The following HMCN1 variants were observed in gnomAD, a reference collection of about 807,000 sequenced individuals.
HMCN1 encodes the protein hemicentin-1.
In HMCN1, 321 loss-of-function variants were observed where a neutral mutation model predicts 625.9. That is an observed-to-expected ratio of 0.51 (90% CI 0.47 to 0.56). The LOEUF (loss-of-function observed/expected upper bound fraction) is 0.56, where lower values mean the gene tolerates loss of function less well. Among genes scored for constraint, HMCN1 ranks in the 20% least tolerant of loss-of-function variants. The probability of loss-of-function intolerance (pLI) is 0.00; values close to 1 mark genes in which losing one functional copy is unlikely to be tolerated. For missense variants in HMCN1, 6,588 were observed against 6,887.3 expected (o/e 0.96, Z 1.54); for synonymous variants, 2,425 against 2,417.6 (o/e 1.00, Z -0.09).
intron 83 of HMCN1, among the ~76,000 whole-genome samples, chr1:186,129,664 G>T (rs1239189433): frequency 6.9e-6 from 1 of 145,292 alleles, no homozygotes; most frequent in African/African-American, 2.6e-5. Flanking sequence ...CTCAGACTAC[G>T]AGCCAGCTTT....
At chr1:185,739,908 T>A (rs977722202) in intron 1 of HMCN1, among the ~76,000 whole-genome samples, 3 of 152,056 alleles carry the variant, frequency 2.0e-5, no homozygotes, top group African/African-American at 7.2e-5. Context: ...AAAGTCACAT[T>A]TGATCAAAGA....
chr1:186,070,760 C>A lies in HMCN1; in HGVS notation c.8139+3C>A. 2 of 1,613,544 alleles carry A rather than the reference C, an allele frequency of 1.2e-6. No individual in the cohort carries two copies. The highest frequency in any genetic ancestry group is 1.7e-6 in the Non-Finnish European group (2 of 1,179,670). The stretch of plus-strand genomic sequence containing the variant: ...TCAGCTGGTACAAGGATGGACAGGC[C>A]AGTCACAACTTTTTTCATTTGCTGA... On this transcript the variant is annotated splice_donor_region_variant and intron_variant, in intron 52 of 106. Coordinates refer to ENST00000271588, the MANE Select transcript of HMCN1 (RefSeq NM_031935.3).
chr1:185,824,782 C>A (rs991846150), intron 1 of HMCN1, among the ~76,000 whole-genome samples: 2 of 152,094 alleles, frequency 1.3e-5, no homozygotes, highest in Admixed American at 1.3e-4. Context: ...CTAGCAAAAC[C>A]AGAACTGGTA....
chr1:185,925,216 T>A, intron 9 of HMCN1, 25 bp downstream of exon 9: 1 of 1,597,772 alleles, frequency 6.3e-7, no homozygotes, highest in Non-Finnish European at 8.6e-7. Context: ...CTGTCAGTAA[T>A]AAGATTCAGC....
Position 185,909,365 on chromosome 1 carries a change from AG to A in HMCN1, c.652del (p.Ala218ProfsTer16). On this transcript the variant is annotated frameshift_variant, in exon 5 of 107. Coordinates refer to ENST00000271588, the MANE Select transcript of HMCN1 (RefSeq NM_031935.3). LOFTEE classifies it high-confidence loss of function. ...EVLKWVEEAV[Q>X]ASKVHLLSTD... The stretch of plus-strand genomic sequence containing the variant: ...TTAAAATGGGTAGAAGAAGCAGTAC[AG>A]GCCTCCAAAGTTCACCTTTTATCCA... 6.2e-7 allele frequency: 1 copy of A among 1,612,810 alleles called. No individual in the cohort carries two copies. The highest frequency in any genetic ancestry group is 8.5e-7 in the Non-Finnish European group (1 of 1,178,930).
rs1045942228 is a variant in HMCN1, at chr1:186,113,967, T to C, written c.11132-12T>C. 1 of 1,613,934 alleles carries C rather than the reference T, an allele frequency of 6.2e-7. No individual in the cohort carries two copies. Among genetic ancestry groups the C allele is most frequent in the South Asian group, 1.1e-5 (1 of 91,092 alleles). On this transcript the variant is annotated splice_polypyrimidine_tract_variant and intron_variant, in intron 72 of 106. Coordinates refer to ENST00000271588, the MANE Select transcript of HMCN1 (RefSeq NM_031935.3). ...GTCTCACTGAATTTTTTCATGTGTA[T>C]CTCTTGTTCAGTTCCTCCAAACATA... is the stretch of plus-strand genomic sequence containing the variant.
intron 4 of HMCN1, among the ~76,000 whole-genome samples, chr1:185,888,129 T>A (rs1181470934): frequency 1.6e-5 from 2 of 127,638 alleles, no homozygotes; most frequent in Non-Finnish European, 1.6e-5. Context: ...TCTGTTCATG[T>A]CCTTCGCCCA....
intron 4 of HMCN1, among the ~76,000 whole-genome samples, chr1:185,893,773 T>G (rs527848251): frequency 9.9e-5 from 15 of 152,202 alleles, no homozygotes; most frequent in Non-Finnish European, 1.5e-4. Context: ...TTCTTTTATT[T>G]TAAACTTTTC....
chr1:185,903,863 T>A (rs972682156), intron 4 of HMCN1, among the ~76,000 whole-genome samples: 1 of 151,826 alleles, frequency 6.6e-6, no homozygotes, highest in Admixed American at 6.6e-5. Flanking sequence ...AACACTTGTG[T>A]TGGCACAAAT....
At chr1:186,118,652 A>G (rs531364019) in intron 77 of HMCN1, among the ~76,000 whole-genome samples, 2 of 152,354 alleles carry the variant, frequency 1.3e-5, no homozygotes, top group East Asian at 3.9e-4. Flanking sequence ...TATCCATGCA[A>G]TGGAATTCTG....
At chr1:185,867,936 G>A (rs1571472680) in intron 4 of HMCN1, among the ~76,000 whole-genome samples, 1 of 152,150 alleles carries the variant, frequency 6.6e-6, no homozygotes, top group Non-Finnish European at 1.5e-5. Context: ...GGGCATGGTG[G>A]CACGTACCCA....
intron 1 of HMCN1, among the ~76,000 whole-genome samples, chr1:185,820,622 A>G (rs1660126816): frequency 6.6e-6 from 1 of 152,182 alleles, no homozygotes; most frequent in South Asian, 2.1e-4. Context: ...AAATTTTTAA[A>G]CAGTCTAAAA....
intron 4 of HMCN1, among the ~76,000 whole-genome samples, chr1:185,882,982 A>G (rs528523057): frequency 3.3e-5 from 5 of 152,096 alleles, no homozygotes; most frequent in Non-Finnish European, 7.4e-5. Flanking sequence ...TCTGATCTCT[A>G]TTATAGTGCC....
At chr1:186,026,507 A>C (rs532878048) in intron 36 of HMCN1, among the ~76,000 whole-genome samples, 2 of 152,354 alleles carry the variant, frequency 1.3e-5, no homozygotes, top group Non-Finnish European at 2.9e-5. Context: ...AGTATTGCAT[A>C]CAATTCTTGT....
At chr1:185,895,403 T>C (rs1665428694) in intron 4 of HMCN1, among the ~76,000 whole-genome samples, 1 of 152,252 alleles carries the variant, frequency 6.6e-6, no homozygotes, top group Admixed American at 6.5e-5. Flanking sequence ...GGCGATATTC[T>C]TTCCTACTCA....
intron 1 of HMCN1, among the ~76,000 whole-genome samples, chr1:185,767,155 A>G (rs985476247): frequency 1.1e-4 from 17 of 152,196 alleles, no homozygotes; most frequent in African/African-American, 3.6e-4. Flanking sequence ...AAATTAGTGA[A>G]TAACATGCTT....
chr1:185,987,939 G>A (rs932990009), intron 20 of HMCN1, among the ~76,000 whole-genome samples: 2 of 152,056 alleles, frequency 1.3e-5, no homozygotes, highest in Non-Finnish European at 2.9e-5. Flanking sequence ...GACCTGCGCT[G>A]AAATTAAGAG....
Position 186,090,752 on chromosome 1 carries a change from C to T in HMCN1, c.9728-6C>T. On this transcript the variant is annotated splice_region_variant and splice_polypyrimidine_tract_variant and intron_variant, in intron 63 of 106. Transcript: ENST00000271588. ...GTTAATGAAATTCCTAATTATTTCT[C>T]CAAAGTTCCTCCAAGTGTTGCTGGT... 1 of 1,611,912 alleles carries T rather than the reference C, an allele frequency of 6.2e-7. No individual in the cohort carries two copies. The highest frequency in any genetic ancestry group is 8.5e-7 in the Non-Finnish European group (1 of 1,178,614).
chr1:185,958,222 C>T (rs1649759218), intron 11 of HMCN1, among the ~76,000 whole-genome samples: 1 of 152,100 alleles, frequency 6.6e-6, no homozygotes, highest in Non-Finnish European at 1.5e-5. Flanking sequence ...CCAGGTGATC[C>T]TCCCACCTCA....
Sources: allele counts gnomAD v4.1 joint callset (sites outside exome capture counted in the v4.1 genomes callset), GRCh38; gene constraint gnomAD v4.1.1; transcripts MANE v1.5; gene names NCBI Gene and HGNC (gene_info 2026-07-23, HGNC 2026-07-21).